MTA3: variants seen among roughly 807,000 people sequenced by gnomAD.
The protein encoded by MTA3 is metastasis-associated protein MTA3.
MTA3 carries 34 observed loss-of-function variants against 83.5 expected under a neutral mutation model. The observed-to-expected ratio is 0.41, with a 90% CI of 0.31 to 0.54. MTA3 has a LOEUF of 0.54. Ranked by LOEUF, MTA3 falls within the 20% of genes least tolerant of loss-of-function variation. MTA3 has a pLI of 0.33. For missense variants in MTA3, 761 were observed against 726.4 expected, an observed-to-expected ratio of 1.05 and a Z score of -0.55; for synonymous variants, 303 against 252.7, an observed-to-expected ratio of 1.20 and a Z score of -1.89.
chr2:42,524,476 T>G (rs1675580589), intron 2 of MTA3, among the ~76,000 whole-genome samples: 1 of 109,548 alleles, frequency 9.1e-6, no homozygotes, highest in Non-Finnish European at 1.9e-5. Flanking sequence ...AGTTGTGTTT[T>G]TTTTTTTTTT....
chr2:42,573,975 C>T (rs960642642), intron 2 of MTA3, among the ~76,000 whole-genome samples: 8 of 151,158 alleles, frequency 5.3e-5, no homozygotes, highest in African/African-American at 9.8e-5. Context: ...CCTGCCACTA[C>T]GCCTGGCTAT....
chr2:42,544,206 G>C (rs1202891609), intron 2 of MTA3, among the ~76,000 whole-genome samples: 1 of 152,050 alleles, frequency 6.6e-6, no homozygotes, highest in Non-Finnish European at 1.5e-5. Context: ...CCAGCAGTTT[G>C]GGAGGCCAAA....
intron 2 of MTA3, among the ~76,000 whole-genome samples, chr2:42,496,689 A>G (rs891621250): frequency 2.0e-5 from 3 of 151,642 alleles, no homozygotes; most frequent in Non-Finnish European, 4.4e-5. Context: ...ATGTGGCTGT[A>G]ACTAGCCCGA....
chr2:42,592,282 C>CAAAAG (rs1553352521), intron 3 of MTA3, among the ~76,000 whole-genome samples: 4 of 151,402 alleles, frequency 2.6e-5, no homozygotes, highest in African/African-American at 9.7e-5. Context: ...CAAAACAAAA[C>CAAAAG]AAAAAACCAA....
chr2:42,734,848 A>G (rs1668497620), intron 16 of MTA3, among the ~76,000 whole-genome samples: 1 of 151,582 alleles, frequency 6.6e-6, no homozygotes, highest in African/African-American at 2.4e-5. Context: ...ACTAGTGGAA[A>G]CTCTCTACAC....
chr2:42,516,117 G>T (rs969388128), intron 2 of MTA3, among the ~76,000 whole-genome samples: 6 of 151,720 alleles, frequency 4.0e-5, no homozygotes, highest in African/African-American at 1.5e-4. Flanking sequence ...GGGTTTCACC[G>T]TGTTAGCTCC....
chr2:42,605,668 A>ACC (rs749699459), intron 3 of MTA3, among the ~76,000 whole-genome samples: 30 of 71,424 alleles, frequency 4.2e-4, no homozygotes, highest in Non-Finnish European at 6.1e-4. Context: ...CGGGGGGCTG[A>ACC]CCCCCCCACC....
chr2:42,597,941 C>T (rs1234006196), intron 3 of MTA3, among the ~76,000 whole-genome samples: 2 of 152,242 alleles, frequency 1.3e-5, no homozygotes, highest in South Asian at 4.2e-4. Context: ...TTTAGCCTCC[C>T]AAAGTGTTAG....
intron 16 of MTA3, among the ~76,000 whole-genome samples, chr2:42,745,846 G>A (rs554452396): frequency 4.3e-5 from 2 of 46,200 alleles, no homozygotes; most frequent in South Asian, 1.9e-3. Flanking sequence ...ACAGAGTCTC[G>A]CTCTGTCACC....
At chr2:42,651,959 G>A (rs1323758018) in intron 6 of MTA3, among the ~76,000 whole-genome samples, 2 of 152,130 alleles carry the variant, frequency 1.3e-5, no homozygotes, top group African/African-American at 2.4e-5. Flanking sequence ...AGCTGGTCAT[G>A]GTGGTGGGCA....
At chr2:42,626,822 C>T (rs1235015984) in intron 4 of MTA3, among the ~76,000 whole-genome samples, 1 of 151,988 alleles carries the variant, frequency 6.6e-6, no homozygotes, top group African/African-American at 2.4e-5. Flanking sequence ...CTCACTGTAA[C>T]CTCTGTCTCC....
intron 16 of MTA3, 33 bp downstream of exon 16, chr2:42,723,068 T>C (rs924891180): frequency 2.8e-5 from 44 of 1,546,936 alleles, no homozygotes; most frequent in Non-Finnish European, 3.8e-5. Flanking sequence ...GAGGCTGTTC[T>C]GATAGAGTGC....
chr2:42,686,645 T>C (rs979411993), intron 9 of MTA3, among the ~76,000 whole-genome samples: 2 of 151,928 alleles, frequency 1.3e-5, no homozygotes, highest in Admixed American at 6.6e-5. Context: ...GCCAACATGG[T>C]GAAACCCTGT....
chr2:42,749,985 TTTTTA>T (rs1669748534), intron 16 of MTA3, among the ~76,000 whole-genome samples: 1 of 152,060 alleles, frequency 6.6e-6, no homozygotes, highest in Non-Finnish European at 1.5e-5. Context: ...TGGCTTTTTA[TTTTTA>T]TTTTATTTAT....
chr2:42,614,727 G>C (rs10180810), intron 4 of MTA3, among the ~76,000 whole-genome samples: 116,198 of 151,822 alleles, frequency 0.77, 44,996 homozygotes, highest in South Asian at 0.88. Flanking sequence ...GTAATCCTAG[G>C]ACTTTGAGAG....
intron 2 of MTA3, among the ~76,000 whole-genome samples, chr2:42,574,464 TGTTA>T (rs1678830659): frequency 6.6e-6 from 1 of 151,522 alleles, no homozygotes; most frequent in South Asian, 2.1e-4. Context: ...CATTTGCCTA[TGTTA>T]GTTGTCACCC....
chr2:42,735,604 C>T (rs567980386), intron 16 of MTA3, among the ~76,000 whole-genome samples: 1 of 152,078 alleles, frequency 6.6e-6, no homozygotes, highest in African/African-American at 2.4e-5. Flanking sequence ...TAGATTTGCC[C>T]CTTTGAAGCT....
intron 3 of MTA3, among the ~76,000 whole-genome samples, chr2:42,580,142 TC>T (rs979345812): frequency 4.0e-5 from 6 of 151,896 alleles, no homozygotes; most frequent in Admixed American, 1.3e-4. Context: ...AGATAGAGTC[TC>T]CCTATGTTTC....
chr2:42,531,869 G>A (rs373368534), intron 2 of MTA3, among the ~76,000 whole-genome samples: 2 of 151,786 alleles, frequency 1.3e-5, no homozygotes, highest in Admixed American at 6.6e-5. Flanking sequence ...CCATTCTCCC[G>A]CCTCAGCCTC....
Sources: gnomAD v4.1 joint callset for allele counts (sites outside exome capture counted in the v4.1 genomes callset) on GRCh38, gnomAD v4.1.1 for gene constraint, MANE v1.5 for transcripts, NCBI Gene and HGNC (gene_info 2026-07-23, HGNC 2026-07-21) for gene names.